The following AGBL4 variants were observed in gnomAD, a reference collection of about 807,000 sequenced individuals.
The protein encoded by AGBL4 is AGBL carboxypeptidase 4, also known as cytosolic carboxypeptidase 6.
In AGBL4, 58 loss-of-function variants were observed where a neutral mutation model predicts 66.4. The ratio of observed to expected loss-of-function variants is 0.87; its 90% CI spans 0.71 to 1.09. The LOEUF (loss-of-function observed/expected upper bound fraction) is 1.09, where lower values mean the gene tolerates loss of function less well. Ranked by LOEUF, AGBL4 falls within the 50% of genes least tolerant of loss-of-function variation. The probability of loss-of-function intolerance (pLI) is 0.00; values close to 1 mark genes in which losing one functional copy is unlikely to be tolerated. For synonymous variants in AGBL4, 234 were observed against 222.9 expected (o/e 1.05, Z -0.44); for missense variants, 579 against 631.0 (o/e 0.92, Z 0.88).
At chr1:49,117,101 T>C (rs1207076322) in intron 4 of AGBL4, among the ~76,000 whole-genome samples, 2 of 152,074 alleles carry the variant, frequency 1.3e-5, no homozygotes, top group African/African-American at 4.8e-5. Flanking sequence ...TTGAGTTCTT[T>C]GTAGATTCTG....
At chr1:49,649,728 G>T (rs549568239) in intron 3 of AGBL4, among the ~76,000 whole-genome samples, 1 of 152,008 alleles carries the variant, frequency 6.6e-6, no homozygotes, top group African/African-American at 2.4e-5. Context: ...AACCAAGATA[G>T]ACCTCATTTG....
At chr1:49,854,762 T>C (rs1646392632) in intron 1 of AGBL4, among the ~76,000 whole-genome samples, 1 of 151,830 alleles carries the variant, frequency 6.6e-6, no homozygotes, top group Non-Finnish European at 1.5e-5. Context: ...TCCCCTAAAA[T>C]AGACAGTATA....
At chr1:49,841,631 G>A (rs961779231) in intron 2 of AGBL4, among the ~76,000 whole-genome samples, 1 of 152,016 alleles carries the variant, frequency 6.6e-6, no homozygotes, top group Non-Finnish European at 1.5e-5. Context: ...TATGGTGCTG[G>A]TACTAAAACG....
intron 2 of AGBL4, among the ~76,000 whole-genome samples, chr1:49,816,418 A>G (rs1178794844): frequency 6.6e-6 from 1 of 152,204 alleles, no homozygotes; most frequent in Non-Finnish European, 1.5e-5. Context: ...AATAATGTAG[A>G]CCAAGCATAT....
At chr1:49,177,275 T>C (rs1474004331) in intron 4 of AGBL4, among the ~76,000 whole-genome samples, 2 of 152,152 alleles carry the variant, frequency 1.3e-5, no homozygotes, top group African/African-American at 2.4e-5. Flanking sequence ...TGTAGAAACA[T>C]AGATGAGGAC....
At chr1:49,961,036 T>G (rs991312877) in intron 1 of AGBL4, among the ~76,000 whole-genome samples, 6 of 152,072 alleles carry the variant, frequency 3.9e-5, no homozygotes, top group Admixed American at 3.9e-4. Context: ...GTGCCTTCTG[T>G]GCCATGCTGA....
At chr1:48,801,283 C>G (rs1440851510) in intron 6 of AGBL4, among the ~76,000 whole-genome samples, 1 of 152,158 alleles carries the variant, frequency 6.6e-6, no homozygotes, top group Admixed American at 6.5e-5. Flanking sequence ...TGGCCTTGCC[C>G]CTCCCTGCCT....
chr1:49,937,751 A>G (rs1654246596), intron 1 of AGBL4, among the ~76,000 whole-genome samples: 1 of 152,206 alleles, frequency 6.6e-6, no homozygotes, highest in Non-Finnish European at 1.5e-5. Flanking sequence ...CTGGGTACAT[A>G]ATGAAATGAA....
intron 4 of AGBL4, among the ~76,000 whole-genome samples, chr1:49,096,012 TCA>T (rs1645092643): frequency 6.6e-6 from 1 of 151,416 alleles, no homozygotes; most frequent in Non-Finnish European, 1.5e-5. Flanking sequence ...AACAACCCCA[TCA>T]AAAAGTGGGC....
intron 2 of AGBL4, among the ~76,000 whole-genome samples, chr1:49,711,084 A>C (rs1022913991): frequency 1.3e-5 from 2 of 152,054 alleles, no homozygotes; most frequent in African/African-American, 4.8e-5. Context: ...AACAATAGAA[A>C]ATTTGGCCCC....
chr1:49,538,666 C>G (rs760407563), intron 3 of AGBL4, among the ~76,000 whole-genome samples: 1 of 151,898 alleles, frequency 6.6e-6, no homozygotes, highest in Non-Finnish European at 1.5e-5. Flanking sequence ...GACAATTTAC[C>G]AGGAAAATGT....
chr1:49,314,668 G>C (rs1327460161), intron 3 of AGBL4, among the ~76,000 whole-genome samples: 1 of 151,968 alleles, frequency 6.6e-6, no homozygotes, highest in Non-Finnish European at 1.5e-5. Flanking sequence ...CTTTGCTATT[G>C]TGAACAGTGC....
At chr1:49,224,925 C>T (rs1156705753) in intron 4 of AGBL4, among the ~76,000 whole-genome samples, 2 of 152,182 alleles carry the variant, frequency 1.3e-5, no homozygotes, top group Non-Finnish European at 2.9e-5. Context: ...AGAGTGTATA[C>T]GTATGCGCAT....
At chr1:48,960,082 C>T (rs749330185) in intron 5 of AGBL4, among the ~76,000 whole-genome samples, 18 of 152,014 alleles carry the variant, frequency 1.2e-4, no homozygotes, top group Non-Finnish European at 2.4e-4. Context: ...AGAATCAGGG[C>T]CACCAGTTAG....
intron 9 of AGBL4, among the ~76,000 whole-genome samples, chr1:48,606,542 A>G (rs1234478246): frequency 6.6e-6 from 1 of 152,166 alleles, no homozygotes; most frequent in Admixed American, 6.5e-5. Flanking sequence ...CACTTTGGAG[A>G]AATCACCTTC....
chr1:49,995,344 C>T (rs1057412579), intron 1 of AGBL4: 4 of 450,836 alleles, frequency 8.9e-6, no homozygotes, highest in East Asian at 7.0e-5. Flanking sequence ...TTTCAGGCTG[C>T]GTTGGAGCTG....
intron 6 of AGBL4, among the ~76,000 whole-genome samples, chr1:48,847,192 C>G (rs929070030): frequency 8.6e-5 from 13 of 152,000 alleles, no homozygotes; most frequent in Non-Finnish European, 5.9e-5. Context: ...CCCAGCTACT[C>G]GGGAGGCTGA....
intron 2 of AGBL4, among the ~76,000 whole-genome samples, chr1:49,744,767 T>G (rs1650856875): frequency 6.6e-6 from 1 of 152,076 alleles, no homozygotes. Flanking sequence ...GATATAATTA[T>G]ATAACAATAA....
intron 5 of AGBL4, among the ~76,000 whole-genome samples, chr1:48,911,983 C>T (rs1191148269): frequency 6.6e-6 from 1 of 152,132 alleles, no homozygotes; most frequent in Non-Finnish European, 1.5e-5. Context: ...AAACTGTGAA[C>T]TGCTTGAGGG....
Sources: gnomAD v4.1 joint callset for allele counts (sites outside exome capture counted in the v4.1 genomes callset) on GRCh38, gnomAD v4.1.1 for gene constraint, MANE v1.5 for transcripts, NCBI Gene and HGNC (gene_info 2026-07-23, HGNC 2026-07-21) for gene names.